PLSCR2: variants seen among roughly 807,000 people sequenced by gnomAD.
PLSCR2 encodes phospholipid scramblase 2.
In PLSCR2, 18 loss-of-function variants were observed where a neutral mutation model predicts 25.3. The ratio of observed to expected loss-of-function variants is 0.71; its 90% CI spans 0.49 to 1.06. The LOEUF (loss-of-function observed/expected upper bound fraction) is 1.06. Ranked by LOEUF, PLSCR2 falls within the 50% of genes least tolerant of loss-of-function variation. The pLI is 0.00. For missense variants in PLSCR2, 243 were observed against 269.5 expected, an observed-to-expected ratio of 0.90 and a Z score of 0.69; for synonymous variants, 88 against 87.3, an observed-to-expected ratio of 1.01 and a Z score of -0.04.
chr3:146,451,889 A>G (rs541964807), intron 5 of PLSCR2, among the ~76,000 whole-genome samples: 1 of 108,824 alleles, frequency 9.2e-6, no homozygotes, highest in East Asian at 2.8e-4. Flanking sequence ...TTTGCTCAGA[A>G]CTCTTCCAGA....
At chr3:146,491,529 T>C (rs1190364405) in intron 1 of PLSCR2, among the ~76,000 whole-genome samples, 1 of 152,188 alleles carries the variant, frequency 6.6e-6, no homozygotes, top group Non-Finnish European at 1.5e-5. Context: ...TAATCCCTTA[T>C]TTCTCAGATG....
chr3:146,414,981 G>A (rs1259775132), intron 2 of PLSCR2: 1 of 152,444 alleles, frequency 6.6e-6, no homozygotes, highest in Non-Finnish European at 1.5e-5. Context: ...CATTATCTAA[G>A]GACCTTCTAC....
intron 1 of PLSCR2, among the ~76,000 whole-genome samples, chr3:146,476,445 C>T (rs1229331833): frequency 6.6e-6 from 1 of 152,330 alleles, no homozygotes; most frequent in African/African-American, 2.4e-5. Context: ...GGGTCCCAAC[C>T]GCAGAGCTGC....
At chr3:146,438,464 T>C (rs1419112901), downstream of PLSCR2, among the ~76,000 whole-genome samples, 1 of 152,232 alleles carries the variant, frequency 6.6e-6, no homozygotes, top group Non-Finnish European at 1.5e-5. Context: ...TCTCCTGTAT[T>C]GGATGCATAT....
chr3:146,396,180 C>G (rs1352695192), intron 2 of PLSCR2, among the ~76,000 whole-genome samples: 2 of 152,122 alleles, frequency 1.3e-5, no homozygotes, highest in Non-Finnish European at 2.9e-5. Context: ...ACACTTAATT[C>G]ATATTATTTG....
downstream of PLSCR2, among the ~76,000 whole-genome samples, chr3:146,428,936 G>T (rs1418059261): frequency 6.6e-6 from 1 of 152,114 alleles, no homozygotes; most frequent in Non-Finnish European, 1.5e-5. Flanking sequence ...AAAAACTGTT[G>T]ATCTTTACCA....
At chr3:146,491,677 G>A (rs769026142) in intron 1 of PLSCR2, among the ~76,000 whole-genome samples, 10 of 152,134 alleles carry the variant, frequency 6.6e-5, no homozygotes, top group Admixed American at 1.3e-4. Flanking sequence ...AATTCCTGAA[G>A]TGAATTTTTT....
intron 1 of PLSCR2, among the ~76,000 whole-genome samples, chr3:146,482,838 G>T (rs144678898): frequency 6.6e-6 from 1 of 152,086 alleles, no homozygotes; most frequent in African/African-American, 2.4e-5. Flanking sequence ...ATGTCCATCA[G>T]TGATAGACTG....
intron 1 of PLSCR2, among the ~76,000 whole-genome samples, chr3:146,480,264 C>CA (rs2043082295): frequency 6.6e-6 from 1 of 151,864 alleles, no homozygotes; most frequent in Admixed American, 6.6e-5. Context: ...GATAGAGACA[C>CA]AAAAAACCCT....
chr3:146,458,328 C>A (rs2108391731), intron 3 of PLSCR2, 83 bp downstream of exon 3: 1 of 1,180,124 alleles, frequency 8.5e-7, no homozygotes, highest in Non-Finnish European at 1.2e-6. Flanking sequence ...ACTCGGAATG[C>A]TATATTTATA....
intron 2 of PLSCR2, among the ~76,000 whole-genome samples, chr3:146,424,238 C>T (rs1324580826): frequency 1.3e-5 from 2 of 151,848 alleles, no homozygotes; most frequent in Non-Finnish European, 2.9e-5. Flanking sequence ...TTGGTCTTTC[C>T]TTGGTGCTTG....
At chr3:146,422,884 C>G (rs1655805639) in intron 2 of PLSCR2, among the ~76,000 whole-genome samples, 1 of 151,890 alleles carries the variant, frequency 6.6e-6, no homozygotes, top group South Asian at 2.1e-4. Context: ...AGGGGTAAAC[C>G]TGGTATAATA....
At chr3:146,478,256 A>C (rs2042994217) in intron 1 of PLSCR2, among the ~76,000 whole-genome samples, 1 of 152,196 alleles carries the variant, frequency 6.6e-6, no homozygotes, top group South Asian at 2.1e-4. Context: ...GATGACAGAA[A>C]TAGGCTTCAG....
downstream of PLSCR2, among the ~76,000 whole-genome samples, chr3:146,439,677 A>T (rs6798352): frequency 0.58 from 87,725 of 151,878 alleles, 25,749 homozygotes; most frequent in South Asian, 0.76. Flanking sequence ...CATCTAATCT[A>T]TTTTCAAGGT....
At chr3:146,465,504 A>G (rs2041818225) in intron 1 of PLSCR2, among the ~76,000 whole-genome samples, 1 of 151,854 alleles carries the variant, frequency 6.6e-6, no homozygotes, top group Non-Finnish European at 1.5e-5. Context: ...TTAACAAATA[A>G]ATTCAGATTA....
intron 8 of PLSCR2, among the ~76,000 whole-genome samples, chr3:146,435,705 T>A (rs555021977): frequency 6.6e-6 from 1 of 152,228 alleles, no homozygotes; most frequent in Non-Finnish European, 1.5e-5. Context: ...GTAAAAATTT[T>A]CTCCCATTTT....
intron 1 of PLSCR2, among the ~76,000 whole-genome samples, chr3:146,477,210 C>G (rs945062013): frequency 6.6e-6 from 1 of 152,170 alleles, no homozygotes; most frequent in Non-Finnish European, 1.5e-5. Flanking sequence ...ACTGAGGGAC[C>G]TGGTTCATCT....
intron 2 of PLSCR2, among the ~76,000 whole-genome samples, chr3:146,423,559 A>ATT (rs5853274): frequency 2.0e-5 from 3 of 151,582 alleles, no homozygotes; most frequent in African/African-American, 4.8e-5. Context: ...GCTTTCCATC[A>ATT]TTTTTTTCTA....
chr3:146,492,338 C>T (rs144035565), intron 1 of PLSCR2, among the ~76,000 whole-genome samples: 36 of 152,206 alleles, frequency 2.4e-4, no homozygotes, highest in African/African-American at 7.0e-4. Context: ...CACACAACAA[C>T]GACAGGTATA....
Sources: gnomAD v4.1 joint callset for allele counts (sites outside exome capture counted in the v4.1 genomes callset) on GRCh38, gnomAD v4.1.1 for gene constraint, MANE v1.5 for transcripts, NCBI Gene and HGNC (gene_info 2026-07-23, HGNC 2026-07-21) for gene names.